VSTM1: variants seen among roughly 807,000 people sequenced by gnomAD.
The protein encoded by VSTM1 is V-set and transmembrane domain containing 1, also known as V-set and transmembrane domain-containing protein 1.
Under a neutral mutation model 33.1 loss-of-function variants are expected in VSTM1, and 27 were observed. The observed-to-expected ratio is 0.82, with a 90% CI of 0.60 to 1.12. The LOEUF is 1.12. Ranked by LOEUF, VSTM1 falls within the 50% of genes most tolerant of loss-of-function variation. The pLI, the probability that VSTM1 is intolerant of heterozygous loss-of-function variation, is 0.00. For missense variants in VSTM1, 304 were observed against 288.9 expected (o/e 1.05, Z -0.38); for synonymous variants, 115 against 110.3 (o/e 1.04, Z -0.27).
chr19:54,044,953 A>G (rs1480117475), intron 4 of VSTM1, among the ~76,000 whole-genome samples: 1 of 152,200 alleles, frequency 6.6e-6, no homozygotes, highest in African/African-American at 2.4e-5. Context: ...AAGTTGAGCA[A>G]CTATAGAAGT....
chr19:54,056,046 G>A (rs1287383690), intron 3 of VSTM1, among the ~76,000 whole-genome samples: 3 of 139,702 alleles, frequency 2.1e-5, no homozygotes, highest in Non-Finnish European at 4.7e-5. Flanking sequence ...AATAGATCCA[G>A]AGCCCATACT....
chr19:54,042,289 A>T lies in VSTM1; in HGVS notation c.475T>A (p.Cys159Ser). The T allele has an allele frequency of 6.2e-7, 1 of 1,614,006 alleles. No homozygotes were observed. Among genetic ancestry groups the T allele is most frequent in the Non-Finnish European group, 8.5e-7 (1 of 1,180,010 alleles). The stretch of plus-strand genomic sequence containing the variant: ...TCTCTGAGCTCACTGTGCTGGCTGC[A>T]TCTGTAGATGATGAAGACTGAGAGG... ...LFLSVFIIYR[C>S]SQHSSSSEES... Residue 159 changes from cysteine (C) to serine (S), a missense_variant, in exon 5 of 9, where the codon TGC becomes AGC. Coordinates refer to ENST00000338372, the MANE Select transcript of VSTM1 (RefSeq NM_198481.4).
At chr19:54,042,078 G>C in intron 6 of VSTM1, 91 bp downstream of exon 6, 1 of 1,607,286 alleles carries the variant, frequency 6.2e-7, no homozygotes. Context: ...GGCTGGGGTG[G>C]GGGCTCAGGG....
chr19:54,041,910 C>T lies in VSTM1; in HGVS notation c.553+6G>A, dbSNP rs2070295466. The T allele has an allele frequency of 2.5e-6, 4 of 1,614,130 alleles. No homozygotes were observed. In the South Asian group the frequency reaches 4.4e-5, roughly 18 times the overall value. On this transcript the variant is annotated splice_donor_region_variant and intron_variant, in intron 7 of 8. Coordinates refer to ENST00000338372, the MANE Select transcript of VSTM1 (RefSeq NM_198481.4). ...GTGATTCCCTTAAACTTCCCCTGTC[C>T]CTTACCGGCAGCCTCCTGCTCCGGA...
At chr19:54,042,833 T>C (rs866826125) in intron 4 of VSTM1, among the ~76,000 whole-genome samples, 3 of 75,066 alleles carry the variant, frequency 4.0e-5, no homozygotes, top group African/African-American at 1.0e-4. Context: ...TATATATATA[T>C]ATATACATAT....
chr19:54,045,161 C>T (rs2146048985), intron 4 of VSTM1, among the ~76,000 whole-genome samples: 1 of 152,256 alleles, frequency 6.6e-6, no homozygotes, highest in African/African-American at 2.4e-5. Context: ...GCTATGTTTG[C>T]ATTGGCATTT....
intron 5 of VSTM1, 29 bp downstream of exon 5, chr19:54,042,248 C>G (rs750561035): frequency 7.4e-5 from 120 of 1,613,848 alleles, no homozygotes; most frequent in Middle Eastern, 1.6e-4. Flanking sequence ...TTCACTCCCC[C>G]TCTCTCCCTT....
chr19:54,060,228 T>A (rs2071329937), intron 1 of VSTM1, among the ~76,000 whole-genome samples: 1 of 152,090 alleles, frequency 6.6e-6, no homozygotes, highest in African/African-American at 2.4e-5. Context: ...TCCCAAATAC[T>A]CTCCTCACTT....
In VSTM1 at chr19:54,061,235, C is replaced by G. The variant is rs185893946; in HGVS notation, c.35-2503G>C. On this transcript the variant is annotated intron_variant, in intron 1 of 8. Transcript: ENST00000338372. ...GTTTCACCATGTTGGCCAGTCTGGT[C>G]TCAAACTCCTGACCTCAAGAGATCT... Among the ~76,000 whole-genome samples the G allele has an allele frequency of 1.5e-3, 221 of 152,124 alleles. 3 individuals are homozygous for G. Among genetic ancestry groups the G allele is most frequent in the African/African-American group, 5.1e-3 (212 of 41,502 alleles).
chr19:54,057,302 T>C (rs1269077127), intron 3 of VSTM1, among the ~76,000 whole-genome samples: 1 of 139,930 alleles, frequency 7.1e-6, no homozygotes, highest in East Asian at 2.1e-4. Flanking sequence ...GAGGATCACC[T>C]GAGCTCAGGA....
chr19:54,043,380 T>C, intron 4 of VSTM1, among the ~76,000 whole-genome samples: 1 of 151,406 alleles, frequency 6.6e-6, no homozygotes, highest in East Asian at 1.9e-4. Context: ...AAAATCAATC[T>C]CTCTCTCCAT....
chr19:54,042,630 A>G (rs950314181), intron 4 of VSTM1, among the ~76,000 whole-genome samples: 7 of 151,506 alleles, frequency 4.6e-5, no homozygotes, highest in Non-Finnish European at 1.0e-4. Context: ...GGGCTGGAAC[A>G]GTGCTTGGCG....
Position 54,041,016 on chromosome 19 carries a change from G to A in VSTM1, c.656C>T (p.Ser219Leu). 6.2e-7 allele frequency: 1 copy of A among 1,609,884 alleles called. No homozygotes were observed. Among genetic ancestry groups the A allele is most frequent in the South Asian group, 1.1e-5 (1 of 90,730 alleles). The change falls in exon 9 of 9, where the codon TCA (serine) becomes TTA (leucine). Residue 219 changes from serine to leucine, a missense_variant. By Grantham distance (145) the Ser-to-Leu change is moderately radical. Coordinates refer to ENST00000338372, the MANE Select transcript of VSTM1 (RefSeq NM_198481.4). ...TCCTGGGGGCTCCTGGGTGGTGTCT[G>A]AAGCTGCCTCAGACAGGGCGCTGGT... ...LSTSALSEAA[S>L]DTTQEPPGSH...
intron 4 of VSTM1, among the ~76,000 whole-genome samples, chr19:54,045,873 C>T (rs2070558353): frequency 6.6e-6 from 1 of 152,054 alleles, no homozygotes; most frequent in Admixed American, 6.6e-5. Flanking sequence ...ATGTATCTAT[C>T]AATCATATCT....
chr19:54,052,981 CAA>C lies in VSTM1; in HGVS notation c.356-1535_356-1534del, dbSNP rs34017003. 3.4e-3 allele frequency: 172 copies of C among 50,824 alleles called. No homozygotes were observed. The South Asian group carries it at 0.041, about 12-fold the overall frequency. The allele number at this position is 50,824 out of a possible 1,614,324, so 3.1% of individuals were successfully genotyped here. On this transcript the variant is annotated intron_variant, in intron 3 of 8. Coordinates refer to ENST00000338372, the MANE Select transcript of VSTM1 (RefSeq NM_198481.4). ...TGGGCAACCGAGTGGGACCCTGTCTCAAAAAAAAAAAAAAAAAAAAAAGCAGC... is the reference window on the plus strand; with the variant it reads ...TGGGCAACCGAGTGGGACCCTGTCTCAAAAAAAAAAAAAAAAAAAAGCAGC...
Position 54,041,025 on chromosome 19 carries a change from TCAGA to T in VSTM1, c.643_646del (p.Ser215ArgfsTer19). The T allele has an allele frequency of 6.2e-7, 1 of 1,608,934 alleles. No individual in the cohort carries two copies. ...CTCCTGGGTGGTGTCTGAAGCTGCCTCAGACAGGGCGCTGGTGCTTAGCTCAGCA... is the reference window on the plus strand; with the variant it reads ...CTCCTGGGTGGTGTCTGAAGCTGCCTCAGGGCGCTGGTGCTTAGCTCAGCA... On this transcript the variant is annotated frameshift_variant, in exon 9 of 9. Coordinates refer to ENST00000338372, the MANE Select transcript of VSTM1 (RefSeq NM_198481.4). LOFTEE classifies it high-confidence loss of function.
chr19:54,050,815 A>G (rs1485976172), intron 4 of VSTM1, among the ~76,000 whole-genome samples: 1 of 151,578 alleles, frequency 6.6e-6, no homozygotes, highest in Non-Finnish European at 1.5e-5. Flanking sequence ...CCCCATCTCT[A>G]CTAAAAACAA....
At chr19:54,057,165 T>G (rs1456999317) in intron 3 of VSTM1, among the ~76,000 whole-genome samples, 2 of 138,186 alleles carry the variant, frequency 1.4e-5, no homozygotes, top group Admixed American at 1.5e-4. Context: ...CTGGCCTGCA[T>G]CTATCTTTTT....
chr19:54,041,042 G>T lies in VSTM1; in HGVS notation c.630C>A (p.Ser210Arg). 6.2e-7 allele frequency: 1 copy of T among 1,607,022 alleles called. No individual in the cohort carries two copies. The highest frequency in any genetic ancestry group is 8.5e-7 in the Non-Finnish European group (1 of 1,177,696). ...AAGCTGCCTCAGACAGGGCGCTGGT[G>T]CTTAGCTCAGCATAGGTCACTCCTT... The part of the protein sequence containing the change: ...DPQGVTYAEL[S>R]TSALSEAASD... The change falls in exon 9 of 9, where the codon AGC (serine) becomes AGA (arginine). Residue 210 changes from serine (S) to arginine (R), a missense_variant. Ser to Arg is a moderately radical substitution (Grantham distance 110). Coordinates refer to ENST00000338372, the MANE Select transcript of VSTM1 (RefSeq NM_198481.4).
Sources: gnomAD v4.1 joint callset for allele counts (sites outside exome capture counted in the v4.1 genomes callset) on GRCh38, gnomAD v4.1.1 for gene constraint, MANE v1.5 for transcripts, NCBI Gene and HGNC (gene_info 2026-07-23, HGNC 2026-07-21) for gene names.